The following AP1G2 variants were observed in gnomAD, a reference collection of about 807,000 sequenced individuals.
The protein encoded by AP1G2 is AP-1 complex subunit gamma-like 2.
In AP1G2, 85 loss-of-function variants were observed where a neutral mutation model predicts 95.8. That is an observed-to-expected ratio of 0.89 (90% confidence interval 0.74 to 1.06). The LOEUF is 1.06. Ranked by LOEUF, AP1G2 falls within the 50% of genes least tolerant of loss-of-function variation. The pLI is 0.00. For missense variants in AP1G2, 967 were observed against 1,005.8 expected, an observed-to-expected ratio of 0.96 and a Z score of 0.52; for synonymous variants, 378 against 400.0, an observed-to-expected ratio of 0.94 and a Z score of 0.66.
chr14:23,563,240 C>A (rs1437791478), intron 14 of AP1G2, 140 bp downstream of exon 14: 4 of 1,457,180 alleles, frequency 2.7e-6, no homozygotes, highest in South Asian at 1.5e-5. Context: ...AAAAACAGGG[C>A]TCTGTGCTCA....
chr14:23,563,923 G>C lies in AP1G2; in HGVS notation c.1092-67C>G, dbSNP rs887738588. The C allele has an allele frequency of 4.4e-6, 7 of 1,599,714 alleles. No individual in the cohort carries two copies. The African/African-American group carries it at 9.4e-5, about 21-fold the overall frequency. On this transcript the variant is annotated intron_variant, in intron 11 of 21. Coordinates refer to ENST00000397120, the MANE Select transcript of AP1G2 (RefSeq NM_003917.5). Reference sequence around the variant, plus strand: ...TCCTGGTCCATGCCTCAGGCCCTCTGCTTCCCCAGGGACCTGTCCCCCTTA... The same window carrying C: ...TCCTGGTCCATGCCTCAGGCCCTCTCCTTCCCCAGGGACCTGTCCCCCTTA...
At position 23,567,485 on chromosome 14, in the gene AP1G2, C is replaced by T. The variant is rs1888639251; in HGVS notation, c.-5-166G>A. On this transcript the variant is annotated intron_variant, in intron 1 of 21. Transcript: ENST00000397120. This position sits in a 1 kb window ranked among gnomAD's most constrained non-coding sequence, Gnocchi z 5.3. ...AGTGGGTCTCCAAATTCCGCGCCCA[C>T]CCCACCGCCCGAGAAGCCCACTACG... The T allele has an allele frequency of 2.2e-6, 3 of 1,389,458 alleles. No homozygotes were observed. Among genetic ancestry groups the T allele is most frequent in the Middle Eastern group, 2.6e-4 (1 of 3,798 alleles). 86.1% of individuals were successfully genotyped at this position (1,389,458 alleles called of 1,614,324 possible).
At chr14:23,563,040 A>G (rs1885882547) in intron 14 of AP1G2, 2 of 1,206,814 alleles carry the variant, frequency 1.7e-6, no homozygotes, top group African/African-American at 1.5e-5. Flanking sequence ...AAAGGGGGCT[A>G]TAGATACTGG....
rs145360826 is a variant in AP1G2 at position 23,563,466 on chromosome 14, G to C, written c.1324C>G (p.Leu442Val). ...THVRDDAVAN[L>V]TQLIGGAQEL... ...TGGGCCCCCCCAATCAGCTGGGTCA[G>C]GTTGGCCACTGCATCATCCCGCACA... is the stretch of plus-strand genomic sequence containing the variant. Residue 442 changes from leucine (L) to valine (V), a missense_variant, in exon 14 of 22, where the codon CTG (leucine) becomes GTG (valine). Transcript: ENST00000397120. The C allele has an allele frequency of 2.8e-5, 45 of 1,614,048 alleles. No individual in the cohort carries two copies. In the African/African-American group the frequency reaches 5.2e-4, roughly 19 times the overall value.
At position 23,561,002 on chromosome 14, in the gene AP1G2, C is replaced by T. The variant is rs1035942304; in HGVS notation, c.1993+294G>A. ...TCCATGTAAAAAAGAACATGAAATG[C>T]CAAGGGTGGGAGGGTGTGAGGAGCT... On this transcript the variant is annotated intron_variant, in intron 19 of 21. Coordinates refer to ENST00000397120, the MANE Select transcript of AP1G2 (RefSeq NM_003917.5). The T allele has an allele frequency of 3.1e-5, 26 of 842,918 alleles. No individual in the cohort carries two copies. In the African/African-American group the frequency reaches 4.1e-4, roughly 13 times the overall value. 52.2% of individuals were successfully genotyped at this position (842,918 alleles called of 1,614,324 possible).
intron 14 of AP1G2, chr14:23,562,891 T>G: frequency 2.0e-6 from 1 of 509,266 alleles, no homozygotes. Flanking sequence ...GGAAGTTTGT[T>G]ACCTGGCTCC....
Position 23,564,622 on chromosome 14 carries a change from A to G in AP1G2, c.861T>C (p.Asn287=), listed in dbSNP as rs1366759416. Residue 287 remains asparagine (N), a synonymous_variant, in exon 9 of 22, where the codon AAT becomes AAC. Coordinates refer to ENST00000397120, the MANE Select transcript of AP1G2 (RefSeq NM_003917.5). The part of the protein sequence containing the change: ...TNTDTSRNAG[N]AVLFETVLTI... ...TGAGTACTGTCTCAAACAGGACCGC[A>G]TTTCCGGCATTTCGGCTGGTGTCCG... The G allele has an allele frequency of 6.2e-7, 1 of 1,613,792 alleles. No individual in the cohort carries two copies. The highest frequency in any genetic ancestry group is 1.1e-5 in the South Asian group (1 of 91,058).
chr14:23,560,703 CG>C lies in AP1G2; in HGVS notation c.1994-286del, dbSNP rs370457112. 4.2e-3 allele frequency: 737 copies of C among 177,412 alleles called. 4 individuals are homozygous for C. Among genetic ancestry groups the C allele is most frequent in the African/African-American group, 0.017 (646 of 38,196 alleles). 11.0% of individuals were successfully genotyped at this position (177,412 alleles called of 1,614,324 possible). ...CTGAGACACAAGAACAGCTTGAACC[CG>C]GGAGGCAGAGGTTGCAGTGAGCCGA... On this transcript the variant is annotated intron_variant, in intron 19 of 21. Coordinates refer to ENST00000397120, the MANE Select transcript of AP1G2 (RefSeq NM_003917.5).
Position 23,566,404 on chromosome 14 carries a change from C to A in AP1G2, c.345G>T (p.Gly115=). The change falls in exon 4 of 22, where the codon GGG becomes GGT. Residue 115 remains glycine (G), a synonymous_variant. Coordinates refer to ENST00000397120, the MANE Select transcript of AP1G2 (RefSeq NM_003917.5). ...AGGCCAGGCCTTGTACTGGCTGAAT[C>A]CCCTGGCTCAGGTCACTGCAGGGTT... ...TNSIKNDLSQ[G]IQPVQGLALC... is the part of the protein sequence containing the mutation. 6.2e-7 allele frequency: 1 copy of A among 1,613,834 alleles called. No homozygotes were observed. Among genetic ancestry groups the A allele is most frequent in the Non-Finnish European group, 8.5e-7 (1 of 1,179,886 alleles).
Position 23,566,321 on chromosome 14 carries a change from A to C in AP1G2, c.428T>G (p.Val143Gly). 1 of 1,613,708 alleles carries C rather than the reference A, an allele frequency of 6.2e-7. No individual in the cohort carries two copies. Among genetic ancestry groups the C allele is most frequent in the South Asian group, 1.1e-5 (1 of 91,060 alleles). Residue 143 changes from valine to glycine, a missense_variant, in exon 4 of 22, where the codon GTG (valine) becomes GGG (glycine). Physicochemically the swap from Val to Gly is moderately radical, Grantham distance 109. Transcript: ENST00000397120. ...AEMCRDLAPEVEKLLLQPSPY... is the reference protein window; with the variant it reads ...AEMCRDLAPEGEKLLLQPSPY... ...ACTGGGCTGCAGGAGCAGTTTCTCC[A>C]CCTCTGGGGCCAGGTCTCGGCACAT... is the stretch of plus-strand genomic sequence containing the variant.
In AP1G2 at chr14:23,564,016, T is replaced by C; in HGVS notation, c.1091+30A>G. On this transcript the variant is annotated intron_variant, in intron 11 of 21. Transcript: ENST00000397120. ...CACAGGGCACTGGGAACCTCTGCCCTGCCCTCCTGTCCCCTCTATCACTGC... is the reference window on the plus strand; with the variant it reads ...CACAGGGCACTGGGAACCTCTGCCCCGCCCTCCTGTCCCCTCTATCACTGC... 1.9e-6 allele frequency: 3 copies of C among 1,613,060 alleles called. 1 individual carries two copies. The South Asian group carries it at 3.3e-5, about 18-fold the overall frequency.
At chr14:23,564,279 G>A in intron 10 of AP1G2, 54 bp downstream of exon 10, 2 of 1,613,794 alleles carry the variant, frequency 1.2e-6, no homozygotes, top group Admixed American at 3.3e-5. Flanking sequence ...AGGAAGGAGG[G>A]CAGAGGGCCA....
At position 23,561,806 on chromosome 14, in the gene AP1G2, T is replaced by C. The variant is rs1443993968; in HGVS notation, c.1733+156A>G. 12 of 1,465,354 alleles carry C rather than the reference T, an allele frequency of 8.2e-6. No individual in the cohort carries two copies. In the Admixed American group the frequency reaches 9.6e-5, roughly 12 times the overall value. The allele number at this position is 1,465,354 out of a possible 1,614,324, so 90.8% of individuals were successfully genotyped here. On this transcript the variant is annotated intron_variant, in intron 17 of 21. Coordinates refer to ENST00000397120, the MANE Select transcript of AP1G2 (RefSeq NM_003917.5). Reference sequence around the variant, plus strand: ...CTGATTTTCAGATGAACAAGGAGGGTTGGAAGCCAGCTTAGCTTCAATTAA... The same window carrying C: ...CTGATTTTCAGATGAACAAGGAGGGCTGGAAGCCAGCTTAGCTTCAATTAA...
chr14:23,564,043 C>A lies in AP1G2; in HGVS notation c.1091+3G>T. ...CCCTCCTGTCCCCTCTATCACTGCT[C>A]ACCGGCTGAGGGAGGCATCAGTTTC... On this transcript the variant is annotated splice_donor_region_variant and intron_variant, in intron 11 of 21. Coordinates refer to ENST00000397120, the MANE Select transcript of AP1G2 (RefSeq NM_003917.5). 1 of 1,613,964 alleles carries A rather than the reference C, an allele frequency of 6.2e-7. No homozygotes were observed. Among genetic ancestry groups the A allele is most frequent in the South Asian group, 1.1e-5 (1 of 91,004 alleles).
chr14:23,561,809 G>A lies in AP1G2; in HGVS notation c.1733+153C>T, dbSNP rs910475055. On this transcript the variant is annotated intron_variant, in intron 17 of 21. Coordinates refer to ENST00000397120, the MANE Select transcript of AP1G2 (RefSeq NM_003917.5). Reference sequence around the variant, plus strand: ...ATTTTCAGATGAACAAGGAGGGTTGGAAGCCAGCTTAGCTTCAATTAACAG... The same window carrying A: ...ATTTTCAGATGAACAAGGAGGGTTGAAAGCCAGCTTAGCTTCAATTAACAG... The A allele has an allele frequency of 2.7e-6, 4 of 1,465,500 alleles. No individual in the cohort carries two copies. The East Asian group carries it at 7.4e-5, about 27-fold the overall frequency. The allele number at this position is 1,465,500 out of a possible 1,614,324, so 90.8% of individuals were successfully genotyped here.
chr14:23,564,184 T>G, intron 10 of AP1G2, 25 bp from the exon 11 acceptor site: 1 of 1,612,844 alleles, frequency 6.2e-7, no homozygotes, highest in Non-Finnish European at 8.5e-7. Context: ...GGAGGTTCTA[T>G]CATACCATGG....
Position 23,564,076 on chromosome 14 carries a change from C to T in AP1G2, c.1061G>A (p.Cys354Tyr), listed in dbSNP as rs2063607796. The T allele has an allele frequency of 6.2e-7, 1 of 1,614,086 alleles. No homozygotes were observed. Among genetic ancestry groups the T allele is most frequent in the African/African-American group, 1.3e-5 (1 of 74,942 alleles). ...VQRHRPTVVE[C>Y]LRETDASLSR... ...GAGGGAGGCATCAGTTTCCCGTAGA[C>T]ATTCCACCACAGTGGGCCGATGCCG... The change falls in exon 11 of 22, where the codon TGT becomes TAT. Residue 354 changes from cysteine (C) to tyrosine (Y), a missense_variant. Physicochemically the swap from Cys to Tyr is radical, Grantham distance 194 (BLOSUM62 -2). Coordinates refer to ENST00000397120, the MANE Select transcript of AP1G2 (RefSeq NM_003917.5).
chr14:23,560,524 G>T (rs1438087043), intron 19 of AP1G2, 106 bp from the exon 20 acceptor site: 2 of 1,173,764 alleles, frequency 1.7e-6, no homozygotes, highest in African/African-American at 1.5e-5. Context: ...TGCACTACTC[G>T]AAAGGCTAGT....
At position 23,563,592 on chromosome 14, in the gene AP1G2, G is replaced by T. The variant is rs1213724258; in HGVS notation, c.1279C>A (p.Leu427Met). Residue 427 changes from leucine (L) to methionine (M), a missense_variant, in exon 13 of 22, where the codon CTG becomes ATG. Coordinates refer to ENST00000397120, the MANE Select transcript of AP1G2 (RefSeq NM_003917.5). Reference protein sequence around the residue: ...RWHIDTILHVLTTAGTHVRDD... With the variant: ...RWHIDTILHVMTTAGTHVRDD... ...ACTGGCCCCTGCCTCACCGTTGTCA[G>T]CACATGCAGGATGGTGTCTATGTGC... The T allele has an allele frequency of 6.2e-7, 1 of 1,614,232 alleles. No individual in the cohort carries two copies. The highest frequency in any genetic ancestry group is 8.5e-7 in the Non-Finnish European group (1 of 1,180,036).
Sources: gnomAD v4.1 joint callset for allele counts on GRCh38, gnomAD v4.1.1 for gene constraint, Gnocchi (gnomAD v3.1) non-coding constraint, MANE v1.5 for transcripts, NCBI Gene and HGNC (gene_info 2026-07-23, HGNC 2026-07-21) for gene names.